Variants in RIF1 observed in about 807,000 individuals in gnomAD.
RIF1 encodes the protein telomere-associated protein RIF1.
A neutral mutation model predicts 247.1 loss-of-function variants in RIF1; 45 were observed. That is an observed-to-expected ratio of 0.18 (90% CI 0.14 to 0.23). RIF1 has a LOEUF of 0.23. Among genes scored for constraint, RIF1 ranks in the 10% least tolerant of loss-of-function variants. RIF1 has a pLI of 1.00. For synonymous variants in RIF1, 1,087 were observed against 978.8 expected, an observed-to-expected ratio of 1.11 and a Z score of -2.06; for missense variants, 2,967 against 2,862.5, an observed-to-expected ratio of 1.04 and a Z score of -0.83.
the RIF1 span, chr2:151,527,151 G>T: frequency 1.5e-6 from 1 of 661,798 alleles, no homozygotes; most frequent in Non-Finnish European, 2.6e-6. Context: ...GAGGAGAAGA[G>T]CTTCTTGGTC....
intron 9 of RIF1, chr2:151,490,054 CTG>C (rs2054922025): frequency 1.2e-6 from 2 of 1,610,194 alleles, no homozygotes; most frequent in Non-Finnish European, 1.7e-6. Context: ...TGTGGGAGCT[CTG>C]TGGTTTTTGC....
chr2:151,426,435 A>G (rs778333553), intron 8 of RIF1, among the ~76,000 whole-genome samples: 2 of 151,336 alleles, frequency 1.3e-5, no homozygotes, highest in Non-Finnish European at 2.9e-5. Context: ...TGGCCTCCCA[A>G]AGTGCTGGCA....
chr2:151,513,144 A>T, the RIF1 span, among the ~76,000 whole-genome samples: 3 of 152,218 alleles, frequency 2.0e-5, no homozygotes, highest in African/African-American at 7.2e-5. Context: ...ATGACAAATA[A>T]GCAAAAGACC....
At position 151,467,965 on chromosome 2, in the gene RIF1, A is replaced by C. The variant is rs771990547; in HGVS notation, c.6601-35A>C. 4 of 1,554,694 alleles carry C rather than the reference A, an allele frequency of 2.6e-6. No homozygotes were observed. The African/African-American group carries it at 5.6e-5, about 22-fold the overall frequency. ...ATGGTGTAATTTTTTAAAAACTTTA[A>C]TTTTGTTAAGTAAAATCCTGACCTG... On this transcript the variant is annotated intron_variant, in intron 30 of 35. Transcript: ENST00000444746.
At chr2:151,500,287 C>T (rs2153043221) in intron 11 of RIF1, among the ~76,000 whole-genome samples, 2 of 152,114 alleles carry the variant, frequency 1.3e-5, no homozygotes, top group East Asian at 3.9e-4. Flanking sequence ...TTTAAACTGA[C>T]AATTAAAAAT....
Position 151,498,958 on chromosome 2 carries a change from C to T in RIF1, c.*514-387C>T, listed in dbSNP as rs13405323. ...AGATAGAAAAGGTTAGAATAAGAAACGAGGATAATAGTCGGATCTTTGCAA... is the reference window on the plus strand; with the variant it reads ...AGATAGAAAAGGTTAGAATAAGAAATGAGGATAATAGTCGGATCTTTGCAA... On this transcript the variant is annotated intron_variant and NMD_transcript_variant, in intron 10 of 13. Transcript: ENST00000454583. Among the ~76,000 whole-genome samples, 925 of 151,422 alleles carry T rather than the reference C, an allele frequency of 6.1e-3. 12 individuals carry two copies. Among genetic ancestry groups the T allele is most frequent in the African/African-American group, 0.021 (874 of 41,334 alleles).
chr2:151,527,283 C>T, the RIF1 span, among the ~76,000 whole-genome samples: 1 of 152,184 alleles, frequency 6.6e-6, no homozygotes, highest in Admixed American at 6.5e-5. Flanking sequence ...TGTCCAGGCC[C>T]AGCCAAAGGA....
chr2:151,505,467 A>G lies in RIF1; in HGVS notation c.*862-743A>G, dbSNP rs374368246. 31 of 1,609,822 alleles carry G rather than the reference A, an allele frequency of 1.9e-5. No homozygotes were observed. In the African/African-American group the frequency reaches 3.6e-4, roughly 19 times the overall value. ...AGTCACACAAATGGAAGCTGAGAGT[A>G]TGGCCACTACCGAGCTAATGTGCTT... On this transcript the variant is annotated intron_variant and NMD_transcript_variant, in intron 12 of 13. Coordinates refer to the RIF1 transcript ENST00000454583.
intron 23 of RIF1, among the ~76,000 whole-genome samples, chr2:151,457,025 C>T (rs7422009): frequency 0.23 from 35,295 of 152,118 alleles, 4,766 homozygotes; most frequent in Admixed American, 0.36. Flanking sequence ...TGAGCCAACA[C>T]GCTTGTCCTG....
chr2:151,489,227 TC>T (rs1230377842), intron 9 of RIF1, among the ~76,000 whole-genome samples: 1 of 152,218 alleles, frequency 6.6e-6, no homozygotes, highest in Non-Finnish European at 1.5e-5. Context: ...TTCATATCAA[TC>T]CTAAAGTATT....
chr2:151,415,563 C>CAAAAAAAAAAA (rs3040729), intron 4 of RIF1, among the ~76,000 whole-genome samples: 2 of 44,874 alleles, frequency 4.5e-5, no homozygotes, highest in Non-Finnish European at 3.7e-5. Flanking sequence ...GACTCTGTCT[C>CAAAAAAAAAAA]AAAAAAAAAA....
At chr2:151,507,520 GAC>G (rs1254575232) in intron 13 of RIF1, among the ~76,000 whole-genome samples, 2 of 152,174 alleles carry the variant, frequency 1.3e-5, no homozygotes, top group Non-Finnish European at 2.9e-5. Context: ...AGGAGCCAAA[GAC>G]ACAGAGATAC....
intron 6 of RIF1, 105 bp downstream of exon 6, chr2:151,417,006 A>G: frequency 1.3e-6 from 1 of 774,314 alleles, no homozygotes; most frequent in Non-Finnish European, 2.1e-6. Context: ...AAAGGGGGGA[A>G]TGTCATTTAC....
downstream of RIF1, among the ~76,000 whole-genome samples, chr2:151,511,807 G>A (rs1369888322): frequency 1.3e-5 from 2 of 152,140 alleles, no homozygotes; most frequent in East Asian, 3.8e-4. Context: ...AGACTGTGTG[G>A]TCTCAATCTC....
intron 34 of RIF1, among the ~76,000 whole-genome samples, chr2:151,471,579 T>C (rs1278112737): frequency 6.6e-6 from 1 of 152,228 alleles, no homozygotes; most frequent in Admixed American, 6.5e-5. Context: ...GTTTCAGCTT[T>C]CTACATATGG....
intron 3 of RIF1, among the ~76,000 whole-genome samples, chr2:151,413,980 T>C (rs1483214434): frequency 6.6e-6 from 1 of 152,202 alleles, no homozygotes; most frequent in Non-Finnish European, 1.5e-5. Flanking sequence ...TTTGGCCTTT[T>C]ATAGCTTTTA....
At chr2:151,513,946 G>T in the RIF1 span, among the ~76,000 whole-genome samples, 1 of 152,176 alleles carries the variant, frequency 6.6e-6, no homozygotes, top group East Asian at 1.9e-4. Context: ...AGCATTCTCT[G>T]CTTAGAAGAT....
chr2:151,411,939 A>C (rs936833100), intron 3 of RIF1, among the ~76,000 whole-genome samples: 3 of 152,252 alleles, frequency 2.0e-5, no homozygotes, highest in Non-Finnish European at 2.9e-5. Flanking sequence ...GGGGCACTTG[A>C]ATCTGAGTTT....
At chr2:151,514,226 C>A in the RIF1 span, 1 of 830,982 alleles carries the variant, frequency 1.2e-6, no homozygotes, top group Non-Finnish European at 2.0e-6. Flanking sequence ...TTTCTCTGTT[C>A]TCTGTTTTTG....
Sources: gnomAD v4.1 joint callset for allele counts (sites outside exome capture counted in the v4.1 genomes callset) on GRCh38, gnomAD v4.1.1 for gene constraint, MANE v1.5 for transcripts, NCBI Gene and HGNC (gene_info 2026-07-23, HGNC 2026-07-21) for gene names.